ITGBL1: variants seen among roughly 807,000 people sequenced by gnomAD.
ITGBL1 encodes integrin beta-like protein 1.
Under a neutral mutation model 68.5 loss-of-function variants are expected in ITGBL1, and 51 were observed. The observed-to-expected ratio is 0.74, with a 90% CI of 0.59 to 0.94. ITGBL1 has a LOEUF of 0.94. Ranked by LOEUF, ITGBL1 falls within the 40% of genes least tolerant of loss-of-function variation. The pLI is 0.00. For synonymous variants in ITGBL1, 209 were observed against 227.3 expected, an observed-to-expected ratio of 0.92 and a Z score of 0.72; for missense variants, 649 against 647.4, an observed-to-expected ratio of 1.00 and a Z score of -0.03.
At chr13:101,581,981 AATCACGATTAT>A (rs2050465685) in intron 5 of ITGBL1, among the ~76,000 whole-genome samples, 1 of 152,168 alleles carries the variant, frequency 6.6e-6, no homozygotes, top group African/African-American at 2.4e-5. Flanking sequence ...AATAATTGCC[AATCACGATTAT>A]TTTGAAGATC....
At chr13:101,662,550 G>C (rs183228822) in intron 7 of ITGBL1, among the ~76,000 whole-genome samples, 1 of 151,970 alleles carries the variant, frequency 6.6e-6, no homozygotes, top group Non-Finnish European at 1.5e-5. Flanking sequence ...ACATACATTT[G>C]GTTGTTCTTA....
At chr13:101,621,941 G>A (rs962926643) in intron 7 of ITGBL1, among the ~76,000 whole-genome samples, 1 of 152,128 alleles carries the variant, frequency 6.6e-6, no homozygotes, top group Non-Finnish European at 1.5e-5. Context: ...CAGGTCAAGA[G>A]CTGAGGCTGG....
At chr13:101,493,512 TG>T (rs549891108) in intron 2 of ITGBL1, among the ~76,000 whole-genome samples, 20 of 151,952 alleles carry the variant, frequency 1.3e-4, no homozygotes, top group Non-Finnish European at 2.6e-4. Flanking sequence ...ATGGGGGGAG[TG>T]ATAACATCAG....
At chr13:101,604,353 T>A (rs941229710) in intron 7 of ITGBL1, among the ~76,000 whole-genome samples, 3 of 151,882 alleles carry the variant, frequency 2.0e-5, no homozygotes, top group Non-Finnish European at 1.5e-5. Context: ...AGCAATAGAG[T>A]ATGTTTAAAC....
At chr13:101,506,217 G>C (rs191231918) in intron 2 of ITGBL1, among the ~76,000 whole-genome samples, 21 of 152,300 alleles carry the variant, frequency 1.4e-4, no homozygotes, top group African/African-American at 5.1e-4. Context: ...TTGGATTTTG[G>C]AACTTAGTTT....
intron 2 of ITGBL1, among the ~76,000 whole-genome samples, chr13:101,549,082 A>G (rs2049876970): frequency 1.3e-5 from 2 of 151,954 alleles, no homozygotes; most frequent in Admixed American, 1.3e-4. Context: ...AAGATTATAC[A>G]GAGTTGAGAA....
At position 101,461,992 on chromosome 13, in the gene ITGBL1, C is replaced by A. The variant is rs1326122648; in HGVS notation, c.316+7892C>A. Among the ~76,000 whole-genome samples the A allele has an allele frequency of 2.6e-5, 4 of 152,092 alleles. No individual in the cohort carries two copies. In the East Asian group the frequency reaches 7.7e-4, roughly 29 times the overall value. ...GAAGACTCTAGGAGAGAATCCGTTT[C>A]CTGGTTATTGGTGTTGAGATAATTT... On this transcript the variant is annotated intron_variant, in intron 2 of 10. Coordinates refer to ENST00000376180, the MANE Select transcript of ITGBL1 (RefSeq NM_004791.3).
chr13:101,511,568 G>A (rs113171609), intron 2 of ITGBL1, among the ~76,000 whole-genome samples: 34 of 152,216 alleles, frequency 2.2e-4, no homozygotes, highest in African/African-American at 7.7e-4. Context: ...ACCTAATCAG[G>A]TAAGCCCTTT....
intron 5 of ITGBL1, among the ~76,000 whole-genome samples, chr13:101,581,345 A>G (rs148737728): frequency 2.4e-4 from 37 of 152,278 alleles, no homozygotes; most frequent in African/African-American, 7.7e-4. Flanking sequence ...TTCATTTTTT[A>G]AAATCTAGAT....
At chr13:101,652,362 C>T (rs899322917) in intron 7 of ITGBL1, among the ~76,000 whole-genome samples, 31 of 152,038 alleles carry the variant, frequency 2.0e-4, no homozygotes, top group African/African-American at 7.3e-4. Context: ...ATGTAAGTTA[C>T]CTAAACCCTG....
chr13:101,718,791 A>C (rs571090776), downstream of ITGBL1: 5 of 152,148 alleles, frequency 3.3e-5, no homozygotes, highest in East Asian at 7.7e-4. Context: ...GAAAAAAAAA[A>C]AAAACTAAAA....
At chr13:101,515,050 C>T (rs1419287410) in intron 2 of ITGBL1, among the ~76,000 whole-genome samples, 1 of 151,996 alleles carries the variant, frequency 6.6e-6, no homozygotes, top group Non-Finnish European at 1.5e-5. Context: ...CCATTGTGTT[C>T]TTATATAAAA....
At chr13:101,507,621 A>G (rs534021982) in intron 2 of ITGBL1, among the ~76,000 whole-genome samples, 29 of 152,256 alleles carry the variant, frequency 1.9e-4, no homozygotes, top group African/African-American at 7.0e-4. Context: ...TGCATACACC[A>G]TTTTTATACA....
chr13:101,453,058 C>A, intron 1 of ITGBL1, 127 bp downstream of exon 1: 1 of 714,040 alleles, frequency 1.4e-6, no homozygotes, highest in Non-Finnish European at 2.5e-6. Context: ...CTGTTTTCAA[C>A]CTGTTCCTTT....
At chr13:101,526,880 A>G (rs1366705784) in intron 2 of ITGBL1, among the ~76,000 whole-genome samples, 2 of 152,108 alleles carry the variant, frequency 1.3e-5, no homozygotes, top group Non-Finnish European at 2.9e-5. Flanking sequence ...TCCAGCTTGC[A>G]TTTACTAAAA....
downstream of ITGBL1, chr13:101,720,325 A>AAAGT (rs1295762743): frequency 6.6e-6 from 1 of 152,136 alleles, no homozygotes; most frequent in Non-Finnish European, 1.5e-5. Flanking sequence ...ATATTAGAAG[A>AAAGT]AAGTATTTGA....
At chr13:101,682,586 T>G (rs1594977523) in intron 7 of ITGBL1, among the ~76,000 whole-genome samples, 1 of 152,180 alleles carries the variant, frequency 6.6e-6, no homozygotes. Context: ...AGTAATTTCA[T>G]GTTCACAATG....
Position 101,452,735 on chromosome 13 carries a change from C to T in ITGBL1, c.-99C>T. On this transcript the variant is annotated 5_prime_UTR_variant, in exon 1 of 11. Coordinates refer to ENST00000376180, the MANE Select transcript of ITGBL1 (RefSeq NM_004791.3). Reference sequence around the variant, plus strand: ...CCTGGGTGTCCGTGGGTCCGTCTGCCCAGCCATCTGCTGGTGGCACCTCTC... The same window carrying T: ...CCTGGGTGTCCGTGGGTCCGTCTGCTCAGCCATCTGCTGGTGGCACCTCTC... 1.1e-6 allele frequency: 1 copy of T among 938,248 alleles called. No homozygotes were observed. The highest frequency in any genetic ancestry group is 1.7e-6 in the Non-Finnish European group (1 of 574,694). 58.1% of individuals were successfully genotyped at this position (938,248 alleles called of 1,614,324 possible). A position where few individuals can be genotyped will look rare whatever the true frequency, so the allele number is the denominator to read the frequency against.
intron 2 of ITGBL1, among the ~76,000 whole-genome samples, chr13:101,561,357 T>C (rs1015367081): frequency 1.3e-5 from 2 of 152,160 alleles, no homozygotes; most frequent in Non-Finnish European, 2.9e-5. Context: ...TCCAGACATT[T>C]AGTACCTGTT....
Sources: allele counts gnomAD v4.1 joint callset (sites outside exome capture counted in the v4.1 genomes callset), GRCh38; gene constraint gnomAD v4.1.1; transcripts MANE v1.5; gene names NCBI Gene and HGNC (gene_info 2026-07-23, HGNC 2026-07-21).